The following FSCN2 variants were observed in gnomAD, a reference collection of about 807,000 sequenced individuals.
FSCN2 encodes the protein fascin-2.
In FSCN2, 46 loss-of-function variants were observed where a neutral mutation model predicts 37.8. The ratio of observed to expected loss-of-function variants is 1.22; its 90% CI spans 0.96 to 1.56. The LOEUF (loss-of-function observed/expected upper bound fraction) is 1.56. Among genes scored for constraint, FSCN2 ranks in the 40% most tolerant of loss-of-function variants. The pLI is 0.00. For synonymous variants in FSCN2, 351 were observed against 309.4 expected (o/e 1.13, Z -1.41); for missense variants, 844 against 730.4 (o/e 1.16, Z -1.79).
In FSCN2 at chr17:81,536,169, T is replaced by C. The variant is rs774930475; in HGVS notation, c.1007T>C (p.Met336Thr). The stretch of plus-strand genomic sequence containing the variant: ...AGTTCTGCCAACACCATGTTTGAGA[T>C]GGAGTGGCGTGGCCGGCGGGTAGCA... ...TQVSANTMFEMEWRGRRVALK... is the reference protein window; with the variant it reads ...TQVSANTMFETEWRGRRVALK... Residue 336 changes from methionine to threonine, a missense_variant, in exon 3 of 5, where the codon ATG becomes ACG. By Grantham distance (81) the Met-to-Thr change is moderately conservative. Coordinates refer to ENST00000417245, the MANE Select transcript of FSCN2 (RefSeq NM_012418.4). 1 of 1,605,980 alleles carries C rather than the reference T, an allele frequency of 6.2e-7. No individual in the cohort carries two copies. The highest frequency in any genetic ancestry group is 1.1e-5 in the South Asian group (1 of 89,616).
At chr17:81,516,520 C>T in the FSCN2 span, among the ~76,000 whole-genome samples, 2 of 152,202 alleles carry the variant, frequency 1.3e-5, no homozygotes, top group Non-Finnish European at 2.9e-5. Context: ...TTTCCAGGGC[C>T]TGGCTGGCTC....
At chr17:81,520,254 G>A in the FSCN2 span, among the ~76,000 whole-genome samples, 1 of 152,150 alleles carries the variant, frequency 6.6e-6, no homozygotes, top group African/African-American at 2.4e-5. Flanking sequence ...CTAGGGGAGG[G>A]GTGGGGGGAG....
chr17:81,535,857 A>AT (rs772595271), intron 2 of FSCN2, among the ~76,000 whole-genome samples: 23 of 82,986 alleles, frequency 2.8e-4, no homozygotes, highest in South Asian at 5.0e-4. Context: ...CTCCATCACC[A>AT]TCCCCCTCTC....
chr17:81,517,021 G>T, the FSCN2 span, among the ~76,000 whole-genome samples: 2 of 152,156 alleles, frequency 1.3e-5, no homozygotes, highest in Admixed American at 6.5e-5. Context: ...CTGGGTCAGG[G>T]TAATTAGCCA....
Position 81,528,554 on chromosome 17 carries a change from A to C in FSCN2, c.23A>C (p.Gln8Pro). ...AAGATGCCGACGAACGGCCTGCACC[A>C]GGTGCTGAAGATCCAGTTTGGCCTC... Reference protein sequence around the residue: MPTNGLHQVLKIQFGLVN... With the variant: MPTNGLHPVLKIQFGLVN... The change falls in exon 1 of 5, where the codon CAG becomes CCG. Residue 8 changes from glutamine (Q) to proline (P), a missense_variant. Transcript: ENST00000417245. 1 of 1,603,788 alleles carries C rather than the reference A, an allele frequency of 6.2e-7. No individual in the cohort carries two copies. The highest frequency in any genetic ancestry group is 8.5e-7 in the Non-Finnish European group (1 of 1,175,586).
chr17:81,524,893 T>TCTCACACACACACACA (rs1555669868), upstream of FSCN2, among the ~76,000 whole-genome samples: 2 of 122,714 alleles, frequency 1.6e-5, no homozygotes, highest in East Asian at 2.1e-4. Flanking sequence ...ATGAGCACCT[T>TCTCACACACACACACA]CACACACACA....
chr17:81,526,716 C>T (rs1196757349), upstream of FSCN2, among the ~76,000 whole-genome samples: 1 of 152,236 alleles, frequency 6.6e-6, no homozygotes, highest in Non-Finnish European at 1.5e-5. Flanking sequence ...AGTTCCCTGG[C>T]ATCGGTGCTA....
chr17:81,516,784 T>C, the FSCN2 span, among the ~76,000 whole-genome samples: 2 of 151,998 alleles, frequency 1.3e-5, no homozygotes, highest in Non-Finnish European at 2.9e-5. Context: ...GCGGAGTCAC[T>C]GGGCAGCTGG....
upstream of FSCN2, among the ~76,000 whole-genome samples, chr17:81,528,099 G>C (rs921375659): frequency 3.3e-5 from 5 of 152,158 alleles, no homozygotes; most frequent in African/African-American, 1.2e-4. Context: ...CGGGGTTGGA[G>C]GAGGGGGGCA....
chr17:81,535,518 A>ATCT (rs1227422808), intron 2 of FSCN2, among the ~76,000 whole-genome samples: 7 of 2,828 alleles, frequency 2.5e-3, no homozygotes, highest in African/African-American at 8.4e-3. Context: ...CCCCATCTCC[A>ATCT]CCATCTCCAT....
chr17:81,533,352 C>T (rs751395521), intron 1 of FSCN2, among the ~76,000 whole-genome samples: 2 of 152,218 alleles, frequency 1.3e-5, no homozygotes, highest in Non-Finnish European at 2.9e-5. Context: ...CACTGATCAT[C>T]TCCTGAAACG....
At chr17:81,531,902 A>ATG (rs2032650861) in intron 1 of FSCN2, among the ~76,000 whole-genome samples, 2 of 53,612 alleles carry the variant, frequency 3.7e-5, no homozygotes, top group Non-Finnish European at 3.8e-5. Context: ...TGATGGTGAT[A>ATG]GTGATGGTGA....
chr17:81,524,143 T>G (rs976424877), upstream of FSCN2, among the ~76,000 whole-genome samples: 10 of 152,150 alleles, frequency 6.6e-5, no homozygotes, highest in Non-Finnish European at 1.2e-4. Flanking sequence ...TCGGGAAACC[T>G]GAGGGTGGAC....
At position 81,529,197 on chromosome 17, in the gene FSCN2, G is replaced by A. The variant is rs1331186233; in HGVS notation, c.666G>A (p.Lys222=). The part of the protein sequence containing the change: ...LEFKAGKLAF[K]DCDGHYLAPV... ...TCAAGGCGGGCAAGCTGGCCTTCAA[G>A]GACTGCGACGGCCACTACCTGGCAC... The change falls in exon 1 of 5, where the codon AAG becomes AAA. Residue 222 remains lysine (K), a synonymous_variant. Coordinates refer to ENST00000417245, the MANE Select transcript of FSCN2 (RefSeq NM_012418.4). 5 of 1,596,246 alleles carry A rather than the reference G, an allele frequency of 3.1e-6. No homozygotes were observed. The highest frequency in any genetic ancestry group is 4.3e-6 in the Non-Finnish European group (5 of 1,172,474).
In FSCN2 at chr17:81,536,195, C is replaced by G. The variant is rs753920150; in HGVS notation, c.1033C>G (p.Leu345Val). 3 of 1,601,050 alleles carry G rather than the reference C, an allele frequency of 1.9e-6. No homozygotes were observed. The highest frequency in any genetic ancestry group is 2.6e-6 in the Non-Finnish European group (3 of 1,173,928). ...GGAGTGGCGTGGCCGGCGGGTAGCACTCAAAGCCAGCAACGGGCGCTACGT... is the reference window on the plus strand; with the variant it reads ...GGAGTGGCGTGGCCGGCGGGTAGCAGTCAAAGCCAGCAACGGGCGCTACGT... ...EMEWRGRRVA[L>V]KASNGRYVCM... The change falls in exon 3 of 5, where the codon CTC becomes GTC. Residue 345 changes from leucine (L) to valine (V), a missense_variant. Physicochemically the swap from Leu to Val is conservative, Grantham distance 32 (BLOSUM62 1). Transcript: ENST00000417245.
At chr17:81,515,335 G>C in the FSCN2 span, among the ~76,000 whole-genome samples, 1 of 152,184 alleles carries the variant, frequency 6.6e-6, no homozygotes, top group Non-Finnish European at 1.5e-5. Context: ...GGAGGGGACC[G>C]CATGGATGGA....
At chr17:81,536,480 C>T in intron 3 of FSCN2, 142 bp from the exon 4 acceptor site, 22 of 1,523,942 alleles carry the variant, frequency 1.4e-5, no homozygotes, top group South Asian at 4.8e-5. Flanking sequence ...ACCCCCTAGG[C>T]GCCTTGCCAA....
the FSCN2 span, among the ~76,000 whole-genome samples, chr17:81,515,488 G>A: frequency 6.6e-6 from 1 of 152,254 alleles, no homozygotes; most frequent in Non-Finnish European, 1.5e-5. Context: ...GTTCAGTGCT[G>A]GTTTTGATGG....
Position 81,528,943 on chromosome 17 carries a change from C to T in FSCN2, c.412C>T (p.His138Tyr), listed in dbSNP as rs143796236. The change falls in exon 1 of 5, where the codon CAC becomes TAC. Residue 138 changes from histidine to tyrosine, a missense_variant. Transcript: ENST00000417245. ...GCTGTGGACCGTGCACCTGGCCATC[C>T]ACCCGCAGGCCCACCTGCTGAGCGT... ...AELWTVHLAI[H>Y]PQAHLLSVSR... The T allele has an allele frequency of 7.6e-3, 12,082 of 1,590,356 alleles. 60 individuals are homozygous for T. The highest frequency in any genetic ancestry group is 0.012 in the Middle Eastern group (73 of 5,932).
Sources: allele counts gnomAD v4.1 joint callset (sites outside exome capture counted in the v4.1 genomes callset), GRCh38; gene constraint gnomAD v4.1.1; transcripts MANE v1.5; gene names NCBI Gene and HGNC (gene_info 2026-07-23, HGNC 2026-07-21).